GRM5: variants seen among roughly 807,000 people sequenced by gnomAD.
GRM5 encodes the protein metabotropic glutamate receptor 5.
Under a neutral mutation model 83.1 loss-of-function variants are expected in GRM5, and 19 were observed. That is an observed-to-expected ratio of 0.23 (90% confidence interval 0.16 to 0.34). GRM5 has a LOEUF of 0.34. Among genes scored for constraint, GRM5 ranks in the 10% least tolerant of loss-of-function variants. GRM5 has a pLI of 1.00. For synonymous variants in GRM5, 675 were observed against 633.6 expected (o/e 1.07, Z -0.98); for missense variants, 1,160 against 1,588.3 (o/e 0.73, Z 4.58).
intron 4 of GRM5, among the ~76,000 whole-genome samples, chr11:88,618,858 C>T (rs1258136364): frequency 6.6e-6 from 1 of 152,202 alleles, no homozygotes; most frequent in East Asian, 1.9e-4. Context: ...TTAGGGTCTG[C>T]TATGAGCCAG....
At chr11:88,710,528 C>T (rs928914924) in intron 3 of GRM5, among the ~76,000 whole-genome samples, 2 of 152,046 alleles carry the variant, frequency 1.3e-5, no homozygotes, top group African/African-American at 4.8e-5. Context: ...CTCAGCTTTC[C>T]ACTCCCACAG....
chr11:88,568,077 G>T, intron 7 of GRM5, 85 bp from the exon 8 acceptor site: 2 of 784,060 alleles, frequency 2.6e-6, no homozygotes, highest in South Asian at 1.8e-5. Flanking sequence ...AGCTGTTTAT[G>T]ACCATTTCAG....
At chr11:88,525,767 A>C (rs1478036779) in intron 8 of GRM5, among the ~76,000 whole-genome samples, 10 of 152,240 alleles carry the variant, frequency 6.6e-5, no homozygotes, top group Admixed American at 2.6e-4. Context: ...ACCATGTGTC[A>C]GACACTATGC....
At chr11:88,683,443 A>G (rs1000748026) in intron 3 of GRM5, among the ~76,000 whole-genome samples, 1 of 152,164 alleles carries the variant, frequency 6.6e-6, no homozygotes, top group Non-Finnish European at 1.5e-5. Context: ...TGTTGATTTT[A>G]TTTATAAATT....
At chr11:88,993,910 A>T (rs1331836713) in intron 2 of GRM5, among the ~76,000 whole-genome samples, 2 of 151,968 alleles carry the variant, frequency 1.3e-5, no homozygotes, top group African/African-American at 4.8e-5. Context: ...TTTTGTAGTT[A>T]CCTCCATATG....
intron 2 of GRM5, among the ~76,000 whole-genome samples, chr11:88,920,569 T>C (rs1565292543): frequency 6.6e-6 from 1 of 152,104 alleles, no homozygotes. Context: ...TTGGAAGTAC[T>C]ACTAATTCTA....
At chr11:88,759,333 C>T (rs977976528) in intron 3 of GRM5, among the ~76,000 whole-genome samples, 19 of 152,122 alleles carry the variant, frequency 1.2e-4, no homozygotes, top group Admixed American at 1.1e-3. Flanking sequence ...GGAGACCCAT[C>T]TCACAGGCAA....
chr11:88,681,702 C>G (rs557413050), intron 3 of GRM5, among the ~76,000 whole-genome samples: 23 of 150,566 alleles, frequency 1.5e-4, no homozygotes, highest in African/African-American at 5.1e-4. Context: ...TCCCAAGTAG[C>G]TGGGATTACA....
chr11:89,006,815 T>C (rs973825278), intron 2 of GRM5, among the ~76,000 whole-genome samples: 3 of 152,314 alleles, frequency 2.0e-5, no homozygotes, highest in East Asian at 1.9e-4. Context: ...TTTGTTTTGT[T>C]TTGAGACAGA....
chr11:88,510,211 A>G (rs1270191784), intron 9 of GRM5, among the ~76,000 whole-genome samples: 1 of 152,254 alleles, frequency 6.6e-6, no homozygotes, highest in South Asian at 2.1e-4. Flanking sequence ...CTGTACTTGA[A>G]TAACAGTTCA....
At chr11:88,863,747 G>T (rs1944610850) in intron 2 of GRM5, among the ~76,000 whole-genome samples, 1 of 151,956 alleles carries the variant, frequency 6.6e-6, no homozygotes, top group African/African-American at 2.4e-5. Context: ...ATTGTTTATA[G>T]AATTTAATTT....
intron 4 of GRM5, among the ~76,000 whole-genome samples, chr11:88,650,581 G>A (rs1474758419): frequency 6.6e-6 from 1 of 151,986 alleles, no homozygotes; most frequent in Non-Finnish European, 1.5e-5. Flanking sequence ...TCTCATACAT[G>A]ATAGGGAAGA....
chr11:88,897,657 G>A (rs557102989), intron 2 of GRM5, among the ~76,000 whole-genome samples: 116 of 151,900 alleles, frequency 7.6e-4, no homozygotes, highest in African/African-American at 2.7e-3. Context: ...GGTCAGAGAT[G>A]ATGTCAAACA....
At chr11:89,031,818 G>T (rs754212735) in intron 2 of GRM5, among the ~76,000 whole-genome samples, 2 of 151,450 alleles carry the variant, frequency 1.3e-5, no homozygotes, top group Non-Finnish European at 1.5e-5. Context: ...TATATTATTT[G>T]CATCCTCCTT....
chr11:88,804,977 T>TAAAG (rs1006248459), intron 3 of GRM5, among the ~76,000 whole-genome samples: 5 of 152,132 alleles, frequency 3.3e-5, no homozygotes, highest in African/African-American at 1.2e-4. Context: ...ATTAAAAAAC[T>TAAAG]AAAGAAAGAG....
intron 8 of GRM5, among the ~76,000 whole-genome samples, chr11:88,545,799 GAAAGAT>G (rs1439297170): frequency 6.6e-6 from 1 of 152,012 alleles, no homozygotes; most frequent in Non-Finnish European, 1.5e-5. Flanking sequence ...ACAGAAACCA[GAAAGAT>G]ATCTTGAACA....
chr11:88,790,076 C>G (rs977808691), intron 3 of GRM5, among the ~76,000 whole-genome samples: 4 of 152,128 alleles, frequency 2.6e-5, no homozygotes, highest in Non-Finnish European at 5.9e-5. Flanking sequence ...GTTGGCCAGG[C>G]TGGCCTTCAA....
chr11:88,510,155 G>A (rs978621088), intron 9 of GRM5, among the ~76,000 whole-genome samples: 1 of 152,246 alleles, frequency 6.6e-6, no homozygotes, highest in African/African-American at 2.4e-5. Flanking sequence ...TCTAATGAGA[G>A]CTTCTTTACT....
chr11:88,613,842 CCT>C (rs1938395163), intron 4 of GRM5, among the ~76,000 whole-genome samples: 1 of 152,108 alleles, frequency 6.6e-6, no homozygotes, highest in African/African-American at 2.4e-5. Context: ...TTTCTCTAGA[CCT>C]CTCTCTGACA....
Sources: allele counts gnomAD v4.1 joint callset (sites outside exome capture counted in the v4.1 genomes callset), GRCh38; gene constraint gnomAD v4.1.1; transcripts MANE v1.5; gene names NCBI Gene and HGNC (gene_info 2026-07-23, HGNC 2026-07-21).